Variants in SIM1 observed in about 807,000 individuals in gnomAD.
The protein encoded by SIM1 is single-minded homolog 1.
A neutral mutation model predicts 78.2 loss-of-function variants in SIM1; 18 were observed. That is an observed-to-expected ratio of 0.23 (90% CI 0.16 to 0.34). SIM1 has a LOEUF of 0.34. SIM1 is among the 10% of genes least tolerant of loss of function. SIM1 has a pLI of 1.00. For synonymous variants in SIM1, 417 were observed against 385.2 expected, an observed-to-expected ratio of 1.08 and a Z score of -0.97; for missense variants, 939 against 975.1, an observed-to-expected ratio of 0.96 and a Z score of 0.49.
rs901398451 is a variant in SIM1, at chr6:100,388,863, T to A, written c.*1498A>T. ...CTGTCATAAATTTCTACCAACTACA[T>A]TTTGGCTAAATCTAGAAAGTTAACT... On this transcript the variant is annotated 3_prime_UTR_variant, in exon 12 of 12. Transcript: ENST00000369208. The A allele has an allele frequency of 1.3e-5, 2 of 152,178 alleles. No homozygotes were observed. Among genetic ancestry groups the A allele is most frequent in the African/African-American group, 2.4e-5 (1 of 41,448 alleles). The allele number at this position is 152,178 out of a possible 1,614,324, so 9.4% of individuals were successfully genotyped here.
intron 3 of SIM1, among the ~76,000 whole-genome samples, chr6:100,453,441 A>G (rs1190854249): frequency 6.6e-6 from 1 of 152,090 alleles, no homozygotes; most frequent in Non-Finnish European, 1.5e-5. Context: ...GGGGTGTTCC[A>G]GTTCCCTCAG....
At chr6:100,443,082 TGAAG>T (rs1188822004) in intron 9 of SIM1, among the ~76,000 whole-genome samples, 3 of 151,922 alleles carry the variant, frequency 2.0e-5, no homozygotes, top group Non-Finnish European at 2.9e-5. Context: ...TTCATTGACA[TGAAG>T]GAAGTACTGT....
chr6:100,430,014 T>C (rs1771860692), intron 9 of SIM1, among the ~76,000 whole-genome samples: 2 of 152,222 alleles, frequency 1.3e-5, no homozygotes, highest in African/African-American at 4.8e-5. Flanking sequence ...GCCTTTCATG[T>C]GAGCTATATG....
rs1451835081 is a variant in SIM1 at position 100,398,957 on chromosome 6, GTGTA to G, written c.1168-5072_1168-5069del. Among the ~76,000 whole-genome samples the G allele has an allele frequency of 1.6e-4, 18 of 109,316 alleles. No homozygotes were observed. The South Asian group carries it at 3.1e-3, about 19-fold the overall frequency. 71.7% of individuals were successfully genotyped at this position (109,316 alleles called of 152,430 possible). A position where few individuals can be genotyped will look rare whatever the true frequency, so the allele number is the denominator to read the frequency against. ...ATTGTGTGTGTGTGTGTGTGTGTGTGTGTATGTGTAGTAGTAGTAGTAGTAGCCA... is the reference window on the plus strand; with the variant it reads ...ATTGTGTGTGTGTGTGTGTGTGTGTGTGTGTAGTAGTAGTAGTAGTAGCCA... On this transcript the variant is annotated intron_variant, in intron 10 of 11. Transcript: ENST00000369208.
intron 9 of SIM1, among the ~76,000 whole-genome samples, chr6:100,424,314 T>C (rs906797796): frequency 6.6e-6 from 1 of 152,092 alleles, no homozygotes; most frequent in African/African-American, 2.4e-5. Flanking sequence ...TCCACCAAAA[T>C]TTAACGGAAG....
intron 10 of SIM1, among the ~76,000 whole-genome samples, chr6:100,418,225 G>A (rs1485762676): frequency 6.6e-6 from 1 of 151,962 alleles, no homozygotes; most frequent in Non-Finnish European, 1.5e-5. Context: ...ATTGTTGTGT[G>A]CCTGTAGTGC....
rs138897232 is a variant in SIM1 at position 100,437,674 on chromosome 6, C to T, written c.998+9594G>A. On this transcript the variant is annotated intron_variant, in intron 9 of 11. Coordinates refer to ENST00000369208, the MANE Select transcript of SIM1 (RefSeq NM_005068.3). Reference sequence around the variant, plus strand: ...GGCAAGAGACTGTGCCTCCCTGGCACGAAGAAGGTGCTCCATAAATGCTGA... The same window carrying T: ...GGCAAGAGACTGTGCCTCCCTGGCATGAAGAAGGTGCTCCATAAATGCTGA... Among the ~76,000 whole-genome samples the T allele has an allele frequency of 1.5e-3, 230 of 152,254 alleles. 1 individual carries two copies. The highest frequency in any genetic ancestry group is 0.011 in the South Asian group (53 of 4,820).
chr6:100,408,300 G>A (rs1036952554), intron 10 of SIM1, among the ~76,000 whole-genome samples: 6 of 151,750 alleles, frequency 4.0e-5, no homozygotes, highest in Non-Finnish European at 7.4e-5. Context: ...CTTCCACTGG[G>A]GTATATGTCT....
At chr6:100,455,817 G>T (rs866751478) in intron 2 of SIM1, among the ~76,000 whole-genome samples, 9 of 152,210 alleles carry the variant, frequency 5.9e-5, no homozygotes, top group African/African-American at 1.7e-4. Context: ...TCCCAAAGCG[G>T]CTGGAAGACA....
chr6:100,404,196 C>A (rs566759122), intron 10 of SIM1, among the ~76,000 whole-genome samples: 2 of 152,290 alleles, frequency 1.3e-5, no homozygotes, highest in African/African-American at 2.4e-5. Flanking sequence ...TGATTACGGT[C>A]GTTAAGATTC....
chr6:100,463,189 T>C, intron 2 of SIM1, 105 bp downstream of exon 2: 2 of 979,494 alleles, frequency 2.0e-6, no homozygotes, highest in African/African-American at 2.0e-5. Flanking sequence ...GCAAAATATA[T>C]ATGTAAATAT....
At chr6:100,408,460 T>C (rs930466318) in intron 10 of SIM1, among the ~76,000 whole-genome samples, 2 of 152,040 alleles carry the variant, frequency 1.3e-5, no homozygotes, top group African/African-American at 4.8e-5. Context: ...CTATATGAAT[T>C]TGAGAATTTT....
intron 10 of SIM1, among the ~76,000 whole-genome samples, chr6:100,418,632 A>G (rs1273760294): frequency 1.3e-5 from 2 of 152,132 alleles, no homozygotes; most frequent in African/African-American, 4.8e-5. Flanking sequence ...TTGGGGGTCC[A>G]ATAGGGAGAC....
intron 11 of SIM1, among the ~76,000 whole-genome samples, chr6:100,393,272 A>G (rs1028657323): frequency 6.6e-6 from 1 of 152,260 alleles, no homozygotes; most frequent in African/African-American, 2.4e-5. Context: ...CTGATGTTTA[A>G]TATAGGAATC....
rs1562239427 is a variant in SIM1, at chr6:100,412,573, AAGAAAGAAAG to A, written c.1167+8207_1167+8216del. On this transcript the variant is annotated intron_variant, in intron 10 of 11. Coordinates refer to ENST00000369208, the MANE Select transcript of SIM1 (RefSeq NM_005068.3). ...AAGAAAGAAAAGAAAGAAAGAAAGA[AAGAAAGAAAG>A]AAAGAAAGAAAGAAAGAAAGAAAGA... Among the ~76,000 whole-genome samples, 149 of 110,684 alleles carry A rather than the reference AAGAAAGAAAG, an allele frequency of 1.3e-3. 14 individuals carry two copies. The East Asian group carries it at 0.032, about 24-fold the overall frequency. 72.6% of individuals were successfully genotyped at this position (110,684 alleles called of 152,430 possible).
chr6:100,409,276 T>C (rs1771133579), intron 10 of SIM1, among the ~76,000 whole-genome samples: 1 of 152,182 alleles, frequency 6.6e-6, no homozygotes, highest in South Asian at 2.1e-4. Flanking sequence ...CTTGGTAGAC[T>C]GTATGTTCTG....
intron 1 of SIM1, 42 bp downstream of exon 1, chr6:100,464,572 G>C (rs940775366): frequency 6.6e-6 from 1 of 152,200 alleles, no homozygotes; most frequent in Non-Finnish European, 1.5e-5. Context: ...GCGGAGCTGC[G>C]GGGCTGCTGG....
intron 2 of SIM1, among the ~76,000 whole-genome samples, chr6:100,458,181 A>G (rs1209581570): frequency 2.6e-5 from 4 of 151,942 alleles, no homozygotes; most frequent in African/African-American, 9.7e-5. Flanking sequence ...GCAGAAACCC[A>G]AGGAGGGCGG....
chr6:100,433,196 C>G (rs998570278), intron 9 of SIM1, among the ~76,000 whole-genome samples: 3 of 152,220 alleles, frequency 2.0e-5, no homozygotes, highest in Admixed American at 2.0e-4. Flanking sequence ...CAGATCATGT[C>G]ATGCCCGTGT....
Sources: gnomAD v4.1 joint callset for allele counts (sites outside exome capture counted in the v4.1 genomes callset) on GRCh38, gnomAD v4.1.1 for gene constraint, MANE v1.5 for transcripts, NCBI Gene and HGNC (gene_info 2026-07-23, HGNC 2026-07-21) for gene names.